The following LIMCH1 variants were observed in gnomAD, a reference collection of about 807,000 sequenced individuals.
LIMCH1 encodes the protein LIM and calponin homology domains-containing protein 1.
LIMCH1 carries 113 observed loss-of-function variants against 176.5 expected under a neutral mutation model. The observed-to-expected ratio is 0.64, with a 90% CI of 0.55 to 0.75. LIMCH1 has a LOEUF of 0.75. Ranked by LOEUF, LIMCH1 falls within the 30% of genes least tolerant of loss-of-function variation. The probability of loss-of-function intolerance (pLI) is 0.00; values close to 1 mark genes in which losing one functional copy is unlikely to be tolerated. For synonymous variants in LIMCH1, 619 were observed against 645.9 expected, an observed-to-expected ratio of 0.96 and a Z score of 0.63; for missense variants, 1,674 against 1,814.9, an observed-to-expected ratio of 0.92 and a Z score of 1.41.
chr4:41,588,514 A>C (rs1263475499), intron 1 of LIMCH1, among the ~76,000 whole-genome samples: 1 of 152,242 alleles, frequency 6.6e-6, no homozygotes, highest in Non-Finnish European at 1.5e-5. Flanking sequence ...TTTGTCCAGT[A>C]GCACAGGGAG....
intron 1 of LIMCH1, among the ~76,000 whole-genome samples, chr4:41,439,318 GT>G (rs1266360690): frequency 6.6e-6 from 1 of 152,208 alleles, no homozygotes; most frequent in African/African-American, 2.4e-5. Flanking sequence ...GGCCAGCGCC[GT>G]GGCTCATGCC....
At chr4:41,591,446 C>G (rs574050601) in intron 1 of LIMCH1, among the ~76,000 whole-genome samples, 34 of 152,050 alleles carry the variant, frequency 2.2e-4, no homozygotes, top group Non-Finnish European at 2.5e-4. Context: ...GTCTTGCTCT[C>G]TTGCCCAGGC....
At chr4:41,495,800 A>T (rs1424593653) in intron 2 of LIMCH1, among the ~76,000 whole-genome samples, 1 of 152,114 alleles carries the variant, frequency 6.6e-6, no homozygotes, top group Non-Finnish European at 1.5e-5. Flanking sequence ...TATTTTGTTG[A>T]ACCTCTCAAC....
intron 1 of LIMCH1, among the ~76,000 whole-genome samples, chr4:41,556,873 T>C (rs536337379): frequency 2.2e-4 from 33 of 152,160 alleles, no homozygotes; most frequent in Non-Finnish European, 4.3e-4. Flanking sequence ...TGCTGTTCTT[T>C]AAAATTCACC....
chr4:41,465,406 G>A (rs1467234760), intron 1 of LIMCH1, among the ~76,000 whole-genome samples: 1 of 152,184 alleles, frequency 6.6e-6, no homozygotes, highest in Non-Finnish European at 1.5e-5. Context: ...TTGGCCAAAT[G>A]ATCTTCAAAG....
At chr4:41,393,322 A>G (rs1055541504) in intron 1 of LIMCH1, among the ~76,000 whole-genome samples, 1 of 152,144 alleles carries the variant, frequency 6.6e-6, no homozygotes, top group African/African-American at 2.4e-5. Context: ...TTGGTAGACA[A>G]TGTGGCTGCT....
chr4:41,697,565 T>C lies in LIMCH1; in HGVS notation c.*380T>C, dbSNP rs1253227868. 3 of 198,676 alleles carry C rather than the reference T, an allele frequency of 1.5e-5. No individual in the cohort carries two copies. The highest frequency in any genetic ancestry group is 2.3e-4 in the East Asian group (2 of 8,592). 12.3% of individuals were successfully genotyped at this position (198,676 alleles called of 1,614,324 possible). A position where few individuals can be genotyped will look rare whatever the true frequency, so the allele number is the denominator to read the frequency against. On this transcript the variant is annotated 3_prime_UTR_variant, in exon 32 of 32. Transcript: ENST00000503057. ...TAGAATGTCTAGGAATTAAACACTT[T>C]ATGTTTACAGAATTGAGCTGCAGAA...
chr4:41,525,811 C>T (rs1177185114), intron 3 of LIMCH1, among the ~76,000 whole-genome samples: 1 of 151,962 alleles, frequency 6.6e-6, no homozygotes, highest in African/African-American at 2.4e-5. Context: ...AATGTTAAAG[C>T]CAAGGTCTTA....
intron 24 of LIMCH1, among the ~76,000 whole-genome samples, chr4:41,680,605 A>G (rs1007541496): frequency 7.9e-5 from 12 of 152,172 alleles, no homozygotes; most frequent in Non-Finnish European, 1.0e-4. Flanking sequence ...GCTGCATTTT[A>G]TGTATGTTAT....
intron 1 of LIMCH1, among the ~76,000 whole-genome samples, chr4:41,429,306 G>C (rs2061395552): frequency 6.6e-6 from 1 of 151,634 alleles, no homozygotes; most frequent in Non-Finnish European, 1.5e-5. Flanking sequence ...TGTGCTTCTA[G>C]TGCTCTGACC....
chr4:41,486,413 G>A (rs928213958), intron 1 of LIMCH1, among the ~76,000 whole-genome samples: 3 of 152,208 alleles, frequency 2.0e-5, no homozygotes, highest in Non-Finnish European at 4.4e-5. Flanking sequence ...CAAATGGACT[G>A]TTGGTACTGG....
At chr4:41,379,006 A>T (rs1015549701) in intron 1 of LIMCH1, among the ~76,000 whole-genome samples, 4 of 152,246 alleles carry the variant, frequency 2.6e-5, no homozygotes, top group Admixed American at 6.5e-5. Flanking sequence ...ACTTGTCAAG[A>T]AAACTGTTAA....
chr4:41,691,454 A>G (rs1228508986), intron 30 of LIMCH1, among the ~76,000 whole-genome samples: 1 of 152,070 alleles, frequency 6.6e-6, no homozygotes, highest in Non-Finnish European at 1.5e-5. Context: ...GAAATATAAA[A>G]TGGAACAGCA....
chr4:41,621,658 C>A (rs1434962601), intron 7 of LIMCH1, among the ~76,000 whole-genome samples: 1 of 152,070 alleles, frequency 6.6e-6, no homozygotes, highest in African/African-American at 2.4e-5. Context: ...TGTACCACCA[C>A]GCCTGGCTAA....
At position 41,481,159 on chromosome 4, in the gene LIMCH1, C is replaced by T. The variant is rs140295236; in HGVS notation, c.97-13377C>T. Among the ~76,000 whole-genome samples, 265 of 152,168 alleles carry T rather than the reference C, an allele frequency of 1.7e-3. 1 individual carries two copies. The highest frequency in any genetic ancestry group is 6.0e-3 in the African/African-American group (247 of 41,498). Reference sequence around the variant, plus strand: ...CAATATTAAGCACTCAGAGCTGGTGCTGGAGGGAATTATGGTCGGATAATG... The same window carrying T: ...CAATATTAAGCACTCAGAGCTGGTGTTGGAGGGAATTATGGTCGGATAATG... On this transcript the variant is annotated intron_variant, in intron 1 of 26. Transcript: ENST00000313860.
chr4:41,444,311 TATACACACACACACACACAC>T (rs1424270242), intron 1 of LIMCH1, among the ~76,000 whole-genome samples: 1,185 of 71,206 alleles, frequency 0.017, 17 homozygotes, highest in African/African-American at 0.12. Context: ...TGTGTATATA[TATACACACACACACACACAC>T]ACACACACAC....
At chr4:41,401,570 A>T (rs1167312122) in intron 1 of LIMCH1, among the ~76,000 whole-genome samples, 1 of 152,112 alleles carries the variant, frequency 6.6e-6, no homozygotes, top group Non-Finnish European at 1.5e-5. Context: ...TCTGTGAAGA[A>T]AGTCATTGGT....
chr4:41,452,620 A>T (rs1036039000), intron 1 of LIMCH1, among the ~76,000 whole-genome samples: 9 of 151,924 alleles, frequency 5.9e-5, no homozygotes, highest in Non-Finnish European at 8.8e-5. Context: ...CAGTCTGTAG[A>T]CTCTAAGAGG....
chr4:41,646,884 G>A lies in LIMCH1; in HGVS notation c.2811G>A (p.Lys937=). ...SQPKNSQDVL[K]TFKVDGKVSV... ...CCAAAAATTCTCAAGATGTTCTGAA[G>A]ACCTTTAAGGTAGGACAAGTTCCTT... is the stretch of plus-strand genomic sequence containing the variant. The change falls in exon 17 of 32, where the codon AAG becomes AAA. Residue 937 remains lysine (K), a synonymous_variant. Coordinates refer to ENST00000503057, the MANE Select transcript of LIMCH1 (RefSeq NM_001330672.2). 2.5e-6 allele frequency: 4 copies of A among 1,613,220 alleles called. No homozygotes were observed. Among genetic ancestry groups the A allele is most frequent in the Non-Finnish European group, 3.4e-6 (4 of 1,179,284 alleles).
Sources: gnomAD v4.1 joint callset for allele counts (sites outside exome capture counted in the v4.1 genomes callset) on GRCh38, gnomAD v4.1.1 for gene constraint, MANE v1.5 for transcripts, NCBI Gene and HGNC (gene_info 2026-07-23, HGNC 2026-07-21) for gene names.